Variants in NIBAN1 observed in about 807,000 individuals in gnomAD.
The protein encoded by NIBAN1 is niban apoptosis regulator 1.
In NIBAN1, 81 loss-of-function variants were observed where a neutral mutation model predicts 75.1. The observed-to-expected ratio is 1.08, with a 90% CI of 0.90 to 1.30. The LOEUF is 1.30. NIBAN1 is among the 50% of genes most tolerant of loss of function. The pLI, the probability that NIBAN1 is intolerant of heterozygous loss-of-function variation, is 0.00. For synonymous variants in NIBAN1, 436 were observed against 424.8 expected, an observed-to-expected ratio of 1.03 and a Z score of -0.32; for missense variants, 1,133 against 1,128.1, an observed-to-expected ratio of 1.00 and a Z score of -0.06.
At chr1:184,812,358 A>G (rs906883235) in intron 9 of NIBAN1, among the ~76,000 whole-genome samples, 1 of 152,186 alleles carries the variant, frequency 6.6e-6, no homozygotes, top group African/African-American at 2.4e-5. Flanking sequence ...CCAGAATGAA[A>G]AAAATAATAA....
intron 1 of NIBAN1, among the ~76,000 whole-genome samples, chr1:184,931,516 T>C (rs190793749): frequency 1.9e-4 from 29 of 152,336 alleles, no homozygotes; most frequent in African/African-American, 6.5e-4. Context: ...CAAAAAGTTA[T>C]TGTATAAGTA....
intron 1 of NIBAN1, among the ~76,000 whole-genome samples, chr1:184,924,461 G>A (rs764603253): frequency 3.3e-4 from 50 of 152,170 alleles, no homozygotes; most frequent in Non-Finnish European, 6.2e-4. Flanking sequence ...TTTTGTTGAC[G>A]ATTTTTGCAT....
chr1:184,856,820 G>T (rs12096742), intron 5 of NIBAN1, among the ~76,000 whole-genome samples: 1 of 152,206 alleles, frequency 6.6e-6, no homozygotes. Context: ...GCAAAAGAAG[G>T]CATAATGATC....
At chr1:184,823,776 T>C (rs369110078) in intron 6 of NIBAN1, 34 bp from the exon 7 acceptor site, 313 of 1,581,684 alleles carry the variant, frequency 2.0e-4, no homozygotes, top group Non-Finnish European at 2.3e-4. Context: ...AGTCGGTCAG[T>C]CGGTGATGGC....
intron 1 of NIBAN1, among the ~76,000 whole-genome samples, chr1:184,951,870 C>T (rs1005672583): frequency 1.3e-5 from 2 of 152,190 alleles, no homozygotes; most frequent in Admixed American, 6.5e-5. Flanking sequence ...CCTGTCTCTG[C>T]TCACAGTTCC....
In NIBAN1 at chr1:184,916,918, C is replaced by G. The variant is rs1393968283; in HGVS notation, c.56-17609G>C. The stretch of plus-strand genomic sequence containing the variant: ...AAGTTTTACTTCCTTCACTACTTAT[C>G]CTTGATCTCCAGGACTCATAGTTGA... On this transcript the variant is annotated intron_variant, in intron 1 of 13. Transcript: ENST00000367511. Among the ~76,000 whole-genome samples the G allele has an allele frequency of 2.0e-5, 3 of 152,256 alleles. No homozygotes were observed. The East Asian group carries it at 5.8e-4, about 29-fold the overall frequency.
chr1:184,893,151 G>C (rs1571552748), intron 3 of NIBAN1, among the ~76,000 whole-genome samples: 1 of 152,152 alleles, frequency 6.6e-6, no homozygotes, highest in Non-Finnish European at 1.5e-5. Context: ...AATAGTAGCT[G>C]TTCATTTCAA....
chr1:184,882,818 A>G (rs1656411135), intron 5 of NIBAN1, among the ~76,000 whole-genome samples: 1 of 152,210 alleles, frequency 6.6e-6, no homozygotes, highest in Non-Finnish European at 1.5e-5. Flanking sequence ...CCGAGGCCCT[A>G]AACACAGACG....
At chr1:184,834,716 G>A (rs996419258) in intron 5 of NIBAN1, among the ~76,000 whole-genome samples, 1 of 151,902 alleles carries the variant, frequency 6.6e-6, no homozygotes, top group African/African-American at 2.4e-5. Flanking sequence ...TTTTTTTCTT[G>A]TAAATTTATT....
At chr1:184,918,113 CCT>C (rs1189166450) in intron 1 of NIBAN1, among the ~76,000 whole-genome samples, 1 of 152,160 alleles carries the variant, frequency 6.6e-6, no homozygotes, top group Non-Finnish European at 1.5e-5. Flanking sequence ...AATTTGCTCC[CCT>C]GTCTCGGTTA....
intron 12 of NIBAN1, among the ~76,000 whole-genome samples, chr1:184,802,089 G>T (rs1654061232): frequency 6.6e-6 from 1 of 152,182 alleles, no homozygotes; most frequent in South Asian, 2.1e-4. Context: ...CAAGGGAAAT[G>T]CACTTTAGCA....
rs1653745736 is a variant in NIBAN1, at chr1:184,793,308, C to A, written c.*1669G>T. 6.6e-6 allele frequency: 1 copy of A among 152,130 alleles called. No individual in the cohort carries two copies. The highest frequency in any genetic ancestry group is 2.4e-5 in the African/African-American group (1 of 41,422). The allele number at this position is 152,130 out of a possible 1,614,324, so 9.4% of individuals were successfully genotyped here. A position where few individuals can be genotyped will look rare whatever the true frequency, so the allele number is the denominator to read the frequency against. ...CAGGTAGCTCACGCTGTAATCCCAG[C>A]ACTTTGGGAAGTCGAGGTGGGTGGA... On this transcript the variant is annotated 3_prime_UTR_variant, in exon 14 of 14. Coordinates refer to ENST00000367511, the MANE Select transcript of NIBAN1 (RefSeq NM_052966.4).
At chr1:184,887,401 T>C (rs879270113) in intron 4 of NIBAN1, among the ~76,000 whole-genome samples, 10 of 152,198 alleles carry the variant, frequency 6.6e-5, no homozygotes, top group African/African-American at 9.7e-5. Context: ...TGATTTTTAG[T>C]TGGGCAAGTG....
At chr1:184,865,915 C>G (rs1406522636) in intron 5 of NIBAN1, among the ~76,000 whole-genome samples, 1 of 152,158 alleles carries the variant, frequency 6.6e-6, no homozygotes, top group Non-Finnish European at 1.5e-5. Flanking sequence ...AAAGCAAAAT[C>G]TTCCAAAGAA....
At chr1:184,801,156 G>A (rs187928710) in intron 12 of NIBAN1, among the ~76,000 whole-genome samples, 1 of 152,216 alleles carries the variant, frequency 6.6e-6, no homozygotes, top group Admixed American at 6.5e-5. Context: ...TGGGATTTGC[G>A]GTCTCTTGCC....
At chr1:184,894,650 C>A (rs1232304716) in intron 2 of NIBAN1, among the ~76,000 whole-genome samples, 1 of 152,212 alleles carries the variant, frequency 6.6e-6, no homozygotes, top group Non-Finnish European at 1.5e-5. Flanking sequence ...GTTCCCCTAT[C>A]CATTACACCT....
chr1:184,857,644 C>A (rs1278796388), intron 5 of NIBAN1, among the ~76,000 whole-genome samples: 2 of 151,984 alleles, frequency 1.3e-5, no homozygotes, highest in Admixed American at 1.3e-4. Flanking sequence ...CAAAAATCTG[C>A]AATCAAATTA....
intron 1 of NIBAN1, among the ~76,000 whole-genome samples, chr1:184,963,480 C>G (rs894631185): frequency 1.3e-5 from 2 of 152,006 alleles, no homozygotes; most frequent in African/African-American, 4.8e-5. Flanking sequence ...TGAAAACTGT[C>G]AAATTTGCAG....
At chr1:184,833,151 T>C (rs186275574) in intron 5 of NIBAN1, among the ~76,000 whole-genome samples, 61 of 151,600 alleles carry the variant, frequency 4.0e-4, no homozygotes, top group African/African-American at 1.4e-3. Flanking sequence ...ATCACAGCTT[T>C]AGACAGTGGG....
Sources: allele counts gnomAD v4.1 joint callset (sites outside exome capture counted in the v4.1 genomes callset), GRCh38; gene constraint gnomAD v4.1.1; transcripts MANE v1.5; gene names NCBI Gene and HGNC (gene_info 2026-07-23, HGNC 2026-07-21).